The following SCRN1 variants were observed in gnomAD, a reference collection of about 807,000 sequenced individuals.
SCRN1 encodes secernin 1.
Under a neutral mutation model 43.3 loss-of-function variants are expected in SCRN1, and 19 were observed. The observed-to-expected ratio is 0.44, with a 90% CI of 0.31 to 0.64. The LOEUF is 0.64. Among genes scored for constraint, SCRN1 ranks in the 30% least tolerant of loss-of-function variants. The pLI is 0.09. For missense variants in SCRN1, 447 were observed against 524.1 expected, an observed-to-expected ratio of 0.85 and a Z score of 1.44; for synonymous variants, 183 against 188.9, an observed-to-expected ratio of 0.97 and a Z score of 0.26.
chr7:29,979,802 C>A (rs777511221), intron 1 of SCRN1, among the ~76,000 whole-genome samples: 1 of 152,142 alleles, frequency 6.6e-6, no homozygotes. Flanking sequence ...GAACAGATAA[C>A]TTATGTAGGA....
intron 6 of SCRN1, among the ~76,000 whole-genome samples, chr7:29,927,783 G>A (rs747371209): frequency 1.1e-4 from 17 of 152,146 alleles, no homozygotes; most frequent in Non-Finnish European, 1.6e-4. Flanking sequence ...TGGAGCTTGA[G>A]GAAGCCAGGG....
chr7:29,936,636 T>C lies in SCRN1; in HGVS notation c.825A>G (p.Thr275=), dbSNP rs142082320. 2,541 of 1,607,820 alleles carry C rather than the reference T, an allele frequency of 1.6e-3. 4 individuals carry two copies. The highest frequency in any genetic ancestry group is 2.1e-3 in the Admixed American group (125 of 59,858). ...GCGGCAGGACAGACACTCCACTGGC[T>C]GTGGTGAGGAAAAACTCAGAGTCTA... ...VCIDSEFFLT[T]ASGVSVLPQN... is the part of the protein sequence containing the mutation. Residue 275 remains threonine, a synonymous_variant, in exon 6 of 8, where the codon ACA becomes ACG. Coordinates refer to ENST00000242059, the MANE Select transcript of SCRN1 (RefSeq NM_014766.5).
At chr7:29,981,780 TAAAG>T (rs1476796523) in intron 1 of SCRN1, among the ~76,000 whole-genome samples, 1 of 152,208 alleles carries the variant, frequency 6.6e-6, no homozygotes, top group Non-Finnish European at 1.5e-5. Flanking sequence ...TTCTTGGACA[TAAAG>T]AACCTCACCT....
intron 2 of SCRN1, among the ~76,000 whole-genome samples, chr7:29,958,245 G>A (rs1195835725): frequency 1.3e-5 from 2 of 152,172 alleles, no homozygotes; most frequent in Non-Finnish European, 2.9e-5. Flanking sequence ...TTTTAAATCT[G>A]GCTAATCACA....
At chr7:29,944,937 C>G (rs1380322743) in intron 3 of SCRN1, among the ~76,000 whole-genome samples, 1 of 152,104 alleles carries the variant, frequency 6.6e-6, no homozygotes, top group Non-Finnish European at 1.5e-5. Context: ...GCCTTGATCT[C>G]TATTATTCTA....
chr7:29,936,255 A>G (rs1489107950), intron 6 of SCRN1, among the ~76,000 whole-genome samples: 1 of 152,216 alleles, frequency 6.6e-6, no homozygotes, highest in African/African-American at 2.4e-5. Context: ...TATACTGAGT[A>G]AATATTTGGT....
intron 1 of SCRN1, among the ~76,000 whole-genome samples, chr7:29,974,679 T>C (rs1788754628): frequency 6.8e-6 from 1 of 147,050 alleles, no homozygotes; most frequent in Admixed American, 6.8e-5. Flanking sequence ...GATTCTTTCT[T>C]TCTTTCTTTT....
At chr7:29,924,958 C>T (rs1786893802) in intron 7 of SCRN1, among the ~76,000 whole-genome samples, 1 of 152,210 alleles carries the variant, frequency 6.6e-6, no homozygotes, top group African/African-American at 2.4e-5. Flanking sequence ...TCAAAACCCA[C>T]CAGCCTCAGC....
chr7:29,970,050 C>T (rs1274822772), intron 1 of SCRN1: 1 of 356,270 alleles, frequency 2.8e-6, no homozygotes, highest in Admixed American at 3.5e-5. Flanking sequence ...CAGCCTGGAC[C>T]ACTACAATAA....
At chr7:29,938,947 G>GT (rs1376299938) in intron 5 of SCRN1, among the ~76,000 whole-genome samples, 1 of 152,058 alleles carries the variant, frequency 6.6e-6, no homozygotes, top group Non-Finnish European at 1.5e-5. Context: ...ATTAAACAGC[G>GT]TATTTGTTCC....
Position 29,955,233 on chromosome 7 carries a change from T to C in SCRN1, c.287A>G (p.Asn96Ser). ...HGVCIANEAI[N>S]TREPAAEIEA... ...TATCTCGGCAGCTGGCTCTCTGGTG[T>C]TGATGGCTTCATTGGCTATGCACAC... Residue 96 changes from asparagine (N) to serine (S), a missense_variant, in exon 3 of 8, where the codon AAC (asparagine) becomes AGC (serine). Asn to Ser is a conservative substitution (Grantham distance 46). Transcript: ENST00000242059. 1 of 1,614,176 alleles carries C rather than the reference T, an allele frequency of 6.2e-7. No homozygotes were observed. Among genetic ancestry groups the C allele is most frequent in the East Asian group, 2.2e-5 (1 of 44,868 alleles).
intron 3 of SCRN1, chr7:29,947,360 T>C: frequency 6.5e-7 from 1 of 1,544,370 alleles, no homozygotes; most frequent in Non-Finnish European, 8.7e-7. Flanking sequence ...TTCTCCTGCT[T>C]AAAGCCCGTT....
chr7:29,981,697 C>T (rs957700892), intron 1 of SCRN1, among the ~76,000 whole-genome samples: 1 of 152,120 alleles, frequency 6.6e-6, no homozygotes, highest in East Asian at 1.9e-4. Flanking sequence ...TGGGTGAGGG[C>T]CCTGATGACA....
At chr7:29,990,086 C>T (rs1583709720), upstream of SCRN1, 2 of 1,542,682 alleles carry the variant, frequency 1.3e-6, no homozygotes, top group East Asian at 2.5e-5. Context: ...GGAGCCAGGC[C>T]CAGCATCCTT....
At chr7:29,983,453 T>TA (rs55905237) in intron 1 of SCRN1, among the ~76,000 whole-genome samples, 3,827 of 140,786 alleles carry the variant, frequency 0.027, 68 homozygotes, top group South Asian at 0.063. Flanking sequence ...GAAGTATAAT[T>TA]AAAAAAAAAA....
At position 29,940,669 on chromosome 7, in the gene SCRN1, G is replaced by C. The variant is rs764729045; in HGVS notation, c.739+13C>G. 2 of 1,585,160 alleles carry C rather than the reference G, an allele frequency of 1.3e-6. No individual in the cohort carries two copies. The highest frequency in any genetic ancestry group is 1.2e-5 in the South Asian group (1 of 85,910). The stretch of plus-strand genomic sequence containing the variant: ...GTATGAGAAGGAGAATCGTGAGGGA[G>C]AGACTAACTCACCTTCTTGTTTTTC... On this transcript the variant is annotated intron_variant, in intron 5 of 7. Coordinates refer to ENST00000242059, the MANE Select transcript of SCRN1 (RefSeq NM_014766.5).
chr7:29,938,100 C>A (rs1431364081), intron 5 of SCRN1, among the ~76,000 whole-genome samples: 1 of 152,086 alleles, frequency 6.6e-6, no homozygotes, highest in Non-Finnish European at 1.5e-5. Context: ...GCAATCTTGG[C>A]TCACTGCATC....
intron 7 of SCRN1, among the ~76,000 whole-genome samples, chr7:29,925,488 A>G (rs1046254009): frequency 6.6e-6 from 1 of 152,204 alleles, no homozygotes; most frequent in African/African-American, 2.4e-5. Flanking sequence ...ATAGTTGGGG[A>G]AAACTGATGA....
chr7:29,989,962 C>T (rs1471973032), upstream of SCRN1: 5 of 1,359,722 alleles, frequency 3.7e-6, no homozygotes, highest in Middle Eastern at 2.9e-4. Context: ...GGGAGGGGGC[C>T]TGGGAGCTGG....
Sources: allele counts gnomAD v4.1 joint callset (sites outside exome capture counted in the v4.1 genomes callset), GRCh38; gene constraint gnomAD v4.1.1; transcripts MANE v1.5; gene names NCBI Gene and HGNC (gene_info 2026-07-23, HGNC 2026-07-21).